TRPM3: variants seen among roughly 807,000 people sequenced by gnomAD.
TRPM3 encodes the protein transient receptor potential cation channel subfamily M member 3, also known as long transient receptor potential channel 3.
In TRPM3, 77 loss-of-function variants were observed where a neutral mutation model predicts 181.2. The observed-to-expected ratio is 0.42, with a 90% CI of 0.35 to 0.51. TRPM3 has a LOEUF of 0.51. TRPM3 is among the 20% of genes least tolerant of loss of function. The pLI is 0.01. For missense variants in TRPM3, 1,759 were observed against 2,196.7 expected (o/e 0.80, Z 3.98); for synonymous variants, 745 against 796.4 (o/e 0.94, Z 1.09).
intron 1 of TRPM3, among the ~76,000 whole-genome samples, chr9:71,206,970 C>T (rs2079162415): frequency 6.6e-6 from 1 of 152,048 alleles, no homozygotes. Flanking sequence ...TTAGACAGTT[C>T]TCATGGGATG....
chr9:71,355,418 C>T (rs1346147660), intron 1 of TRPM3, among the ~76,000 whole-genome samples: 1 of 152,052 alleles, frequency 6.6e-6, no homozygotes, highest in Non-Finnish European at 1.5e-5. Context: ...CCAAGAAAGG[C>T]CATGGGCTGA....
At chr9:71,316,510 T>C (rs2088605510) in intron 1 of TRPM3, among the ~76,000 whole-genome samples, 1 of 152,264 alleles carries the variant, frequency 6.6e-6, no homozygotes, top group East Asian at 1.9e-4. Context: ...GGTGGGCCCA[T>C]TTGAATCACA....
intron 3 of TRPM3, among the ~76,000 whole-genome samples, chr9:70,854,899 A>T (rs1051213124): frequency 1.3e-5 from 2 of 152,214 alleles, no homozygotes; most frequent in African/African-American, 2.4e-5. Context: ...CCAGTACATC[A>T]GCATGATTTT....
chr9:70,576,464 A>ATCT (rs202021890), intron 22 of TRPM3, among the ~76,000 whole-genome samples: 33 of 148,270 alleles, frequency 2.2e-4, no homozygotes, highest in Middle Eastern at 3.5e-3. Flanking sequence ...GCTGCTATAG[A>ATCT]TCTTCTTCTT....
intron 1 of TRPM3, among the ~76,000 whole-genome samples, chr9:71,199,052 T>C (rs1296117908): frequency 4.4e-4 from 66 of 150,268 alleles, no homozygotes; most frequent in African/African-American, 1.5e-3. Flanking sequence ...GTCCCATCAA[T>C]ACCTAATTTA....
chr9:71,035,905 A>G (rs2058126195), intron 1 of TRPM3, among the ~76,000 whole-genome samples: 2 of 150,322 alleles, frequency 1.3e-5, no homozygotes, highest in South Asian at 4.2e-4. Context: ...CAAGTAGAGG[A>G]TGTTATATAA....
At chr9:71,143,322 G>A (rs982379659) in intron 1 of TRPM3, among the ~76,000 whole-genome samples, 21 of 151,818 alleles carry the variant, frequency 1.4e-4, no homozygotes, top group Non-Finnish European at 2.2e-4. Context: ...TATTTTTCCT[G>A]ATCCTCTCCC....
intron 1 of TRPM3, among the ~76,000 whole-genome samples, chr9:71,306,287 G>T (rs1004352875): frequency 6.6e-6 from 1 of 152,162 alleles, no homozygotes; most frequent in African/African-American, 2.4e-5. Context: ...ATAGGTTCTT[G>T]AGAGCCACGC....
At chr9:70,787,763 C>CTTTTTTTTTTTTTTTTTTTTTTTTT in intron 6 of TRPM3, among the ~76,000 whole-genome samples, 8 of 68,556 alleles carry the variant, frequency 1.2e-4, no homozygotes, top group Admixed American at 1.8e-4. Flanking sequence ...TTTTTGGATT[C>CTTTTTTTTTTTTTTTTTTTTTTTTT]TTTTTTTTTT....
At chr9:70,684,352 C>T (rs2134292269) in intron 8 of TRPM3, among the ~76,000 whole-genome samples, 1 of 152,232 alleles carries the variant, frequency 6.6e-6, no homozygotes, top group Non-Finnish European at 1.5e-5. Context: ...GTTCATGCCC[C>T]ATCCTTGTGC....
At chr9:71,157,207 T>C (rs2076051159) in intron 1 of TRPM3, among the ~76,000 whole-genome samples, 1 of 152,120 alleles carries the variant, frequency 6.6e-6, no homozygotes, top group African/African-American at 2.4e-5. Flanking sequence ...TACACAATGT[T>C]GAAGGAATAT....
At chr9:71,373,872 C>T (rs1311221239) in intron 1 of TRPM3, among the ~76,000 whole-genome samples, 1 of 152,128 alleles carries the variant, frequency 6.6e-6, no homozygotes, top group Admixed American at 6.5e-5. Context: ...ATGCAAAAAT[C>T]CCCACTAAAA....
At chr9:70,933,806 A>G (rs1464257085) in intron 1 of TRPM3, among the ~76,000 whole-genome samples, 2 of 152,110 alleles carry the variant, frequency 1.3e-5, no homozygotes, top group Non-Finnish European at 2.9e-5. Flanking sequence ...AATCTAGTAT[A>G]GAGAAAAGGC....
intron 1 of TRPM3, among the ~76,000 whole-genome samples, chr9:71,312,983 T>C (rs1330761644): frequency 6.6e-6 from 1 of 152,178 alleles, no homozygotes; most frequent in Non-Finnish European, 1.5e-5. Context: ...CATGTCATTA[T>C]ACACATTTGC....
chr9:70,773,655 C>A (rs2080789625), intron 7 of TRPM3, among the ~76,000 whole-genome samples: 1 of 152,130 alleles, frequency 6.6e-6, no homozygotes, highest in Admixed American at 6.5e-5. Context: ...TTTTCATAGG[C>A]AATTGCTCAA....
At chr9:70,991,675 C>T (rs1258462007) in intron 1 of TRPM3, among the ~76,000 whole-genome samples, 1 of 150,566 alleles carries the variant, frequency 6.6e-6, no homozygotes, top group African/African-American at 2.4e-5. Context: ...AAACAAAGTC[C>T]ACCTTAAGCT....
intron 9 of TRPM3, among the ~76,000 whole-genome samples, chr9:70,641,235 C>T (rs531929088): frequency 6.6e-6 from 1 of 152,314 alleles, no homozygotes; most frequent in African/African-American, 2.4e-5. Context: ...ATGCAAGTCT[C>T]AGACCCTGTC....
chr9:71,395,759 C>T (rs2093175878), intron 1 of TRPM3, among the ~76,000 whole-genome samples: 1 of 152,186 alleles, frequency 6.6e-6, no homozygotes, highest in Non-Finnish European at 1.5e-5. Flanking sequence ...ATGTGCTCTC[C>T]TGGGCAAGCT....
intron 19 of TRPM3, among the ~76,000 whole-genome samples, chr9:70,606,954 G>A (rs2061270213): frequency 6.6e-6 from 1 of 152,072 alleles, no homozygotes; most frequent in Admixed American, 6.5e-5. Context: ...AGGGGCACAT[G>A]GTCTTGTAGA....
Sources: allele counts gnomAD v4.1 joint callset (sites outside exome capture counted in the v4.1 genomes callset), GRCh38; gene constraint gnomAD v4.1.1; transcripts MANE v1.5; gene names NCBI Gene and HGNC (gene_info 2026-07-23, HGNC 2026-07-21).